ALK: variants seen among roughly 807,000 people sequenced by gnomAD.
ALK encodes ALK tyrosine kinase receptor.
In ALK, 74 loss-of-function variants were observed where a neutral mutation model predicts 163.1. The observed-to-expected ratio is 0.45, with a 90% CI of 0.38 to 0.55. The LOEUF (loss-of-function observed/expected upper bound fraction) is 0.55, where lower values mean the gene tolerates loss of function less well. ALK is among the 20% of genes least tolerant of loss of function. The pLI, the probability that ALK is intolerant of heterozygous loss-of-function variation, is 0.00. For missense variants in ALK, 2,063 were observed against 2,105.3 expected (o/e 0.98, Z 0.39); for synonymous variants, 960 against 843.2 (o/e 1.14, Z -2.40).
At chr2:29,593,781 C>T (rs534887999) in intron 3 of ALK, among the ~76,000 whole-genome samples, 7 of 152,332 alleles carry the variant, frequency 4.6e-5, no homozygotes, top group African/African-American at 1.7e-4. Context: ...TCCTATGTGA[C>T]TATGGCAAAC....
chr2:29,320,422 C>G (rs1167525612), intron 7 of ALK, among the ~76,000 whole-genome samples: 2 of 152,162 alleles, frequency 1.3e-5, no homozygotes, highest in Non-Finnish European at 2.9e-5. Context: ...TTCCCTGCCT[C>G]TCAATGAATT....
At chr2:29,632,819 C>T (rs965676780) in intron 3 of ALK, among the ~76,000 whole-genome samples, 4 of 152,044 alleles carry the variant, frequency 2.6e-5, no homozygotes, top group East Asian at 3.9e-4. Flanking sequence ...TGGTGGCAGG[C>T]GAAGAGAGGA....
At chr2:29,613,378 ACTAC>A (rs1675750275) in intron 3 of ALK, among the ~76,000 whole-genome samples, 3 of 152,166 alleles carry the variant, frequency 2.0e-5, no homozygotes, top group Admixed American at 2.0e-4. Context: ...AACATAATAA[ACTAC>A]CTCAATCCCT....
chr2:29,255,099 C>G (rs918560398), intron 11 of ALK, among the ~76,000 whole-genome samples: 3 of 152,198 alleles, frequency 2.0e-5, no homozygotes, highest in Non-Finnish European at 4.4e-5. Context: ...TGGTGGTCCT[C>G]GCTGCCTTGG....
intron 1 of ALK, among the ~76,000 whole-genome samples, chr2:29,785,081 C>A (rs1663974107): frequency 6.6e-6 from 1 of 152,104 alleles, no homozygotes; most frequent in Admixed American, 6.5e-5. Flanking sequence ...AAAAGAGGGA[C>A]AAGTACTGGC....
At chr2:29,497,041 C>T (rs1036655304) in intron 4 of ALK, among the ~76,000 whole-genome samples, 7 of 152,088 alleles carry the variant, frequency 4.6e-5, no homozygotes, top group African/African-American at 9.7e-5. Flanking sequence ...GTGGCTGAGG[C>T]GGGTTTATCA....
intron 26 of ALK, among the ~76,000 whole-genome samples, chr2:29,199,438 A>C (rs1669104993): frequency 6.6e-6 from 1 of 152,114 alleles, no homozygotes; most frequent in Admixed American, 6.5e-5. Context: ...TCTCTTCTTA[A>C]ATCTAGTTGG....
chr2:29,464,668 TA>T (rs1437132997), intron 4 of ALK, among the ~76,000 whole-genome samples: 1 of 152,120 alleles, frequency 6.6e-6, no homozygotes, highest in Non-Finnish European at 1.5e-5. Flanking sequence ...GCCCGTTTTT[TA>T]CTAGGGAACA....
At chr2:29,356,352 G>C (rs997705457) in intron 5 of ALK, among the ~76,000 whole-genome samples, 1 of 152,088 alleles carries the variant, frequency 6.6e-6, no homozygotes, top group African/African-American at 2.4e-5. Flanking sequence ...TTACTCTATA[G>C]CTTACACGGC....
At chr2:29,700,178 A>G (rs553722647) in intron 2 of ALK, among the ~76,000 whole-genome samples, 3 of 152,370 alleles carry the variant, frequency 2.0e-5, no homozygotes, top group African/African-American at 7.2e-5. Flanking sequence ...CCCAAGAGGC[A>G]GATTTCCTAT....
chr2:29,443,426 C>A (rs974215167), intron 4 of ALK, among the ~76,000 whole-genome samples: 12 of 152,296 alleles, frequency 7.9e-5, no homozygotes, highest in Admixed American at 6.5e-4. Context: ...CCCAGGAGTG[C>A]CCCGTATGTA....
intron 1 of ALK, among the ~76,000 whole-genome samples, chr2:29,796,277 T>A (rs1328418375): frequency 6.6e-6 from 1 of 152,108 alleles, no homozygotes; most frequent in Non-Finnish European, 1.5e-5. Context: ...GCCTGGTGAG[T>A]GACGATCAGC....
intron 1 of ALK, among the ~76,000 whole-genome samples, chr2:29,775,546 A>C (rs1226424304): frequency 2.0e-5 from 3 of 152,098 alleles, no homozygotes; most frequent in South Asian, 2.1e-4. Flanking sequence ...ACAAAAAAAA[A>C]AAAACAAAAA....
intron 4 of ALK, among the ~76,000 whole-genome samples, chr2:29,465,239 C>T (rs575136536): frequency 6.6e-6 from 1 of 152,090 alleles, no homozygotes; most frequent in Non-Finnish European, 1.5e-5. Flanking sequence ...GACTCATTGT[C>T]AGAAGTCACA....
intron 12 of ALK, among the ~76,000 whole-genome samples, chr2:29,248,157 T>C (rs1664733595): frequency 2.0e-5 from 3 of 152,016 alleles, no homozygotes. Context: ...GAGCCTTTAT[T>C]TGGTTAAAAT....
At chr2:29,197,705 GGATATA>G (rs917875691) in intron 26 of ALK, 29 bp from the exon 27 acceptor site, 1 of 1,587,638 alleles carries the variant, frequency 6.3e-7, no homozygotes, top group Non-Finnish European at 8.6e-7. Context: ...ACATGGAGAT[GGATATA>G]GACACACCCA....
chr2:29,244,831 C>T (rs1664615601), intron 12 of ALK, among the ~76,000 whole-genome samples: 1 of 152,248 alleles, frequency 6.6e-6, no homozygotes, highest in African/African-American at 2.4e-5. Flanking sequence ...GATATCTCTC[C>T]TACTATTGTC....
intron 4 of ALK, among the ~76,000 whole-genome samples, chr2:29,436,746 T>A (rs1670410193): frequency 6.6e-6 from 1 of 152,194 alleles, no homozygotes; most frequent in South Asian, 2.1e-4. Flanking sequence ...GCACTTGTGG[T>A]TCCTTGATAC....
At position 29,833,658 on chromosome 2, in the gene ALK, G is replaced by A. The variant is rs117759269; in HGVS notation, c.667+86335C>T. Reference sequence around the variant, plus strand: ...CATCTTGACTATATTGCATGTTCCAGGCATTTTAGCTCCCATTTTACAAAT... The same window carrying A: ...CATCTTGACTATATTGCATGTTCCAAGCATTTTAGCTCCCATTTTACAAAT... On this transcript the variant is annotated intron_variant, in intron 1 of 28. Transcript: ENST00000389048. Among the ~76,000 whole-genome samples the A allele has an allele frequency of 9.2e-5, 14 of 152,278 alleles. No individual in the cohort carries two copies. The East Asian group carries it at 2.5e-3, about 27-fold the overall frequency.
Sources: gnomAD v4.1 joint callset for allele counts (sites outside exome capture counted in the v4.1 genomes callset) on GRCh38, gnomAD v4.1.1 for gene constraint, MANE v1.5 for transcripts, NCBI Gene and HGNC (gene_info 2026-07-23, HGNC 2026-07-21) for gene names.